LSM8: variants seen among roughly 807,000 people sequenced by gnomAD.
The protein encoded by LSM8 is LSM8 homolog, U6 small nuclear RNA associated, also known as LSM8 U6 small nuclear RNA associated.
A neutral mutation model predicts 15.0 loss-of-function variants in LSM8; 14 were observed. That is an observed-to-expected ratio of 0.93 (90% CI 0.62 to 1.46). The LOEUF (loss-of-function observed/expected upper bound fraction) is 1.46, where lower values mean the gene tolerates loss of function less well. Among genes scored for constraint, LSM8 ranks in the 40% most tolerant of loss-of-function variants. The probability of loss-of-function intolerance (pLI) is 0.00; values close to 1 mark genes in which losing one functional copy is unlikely to be tolerated. For synonymous variants in LSM8, 50 were observed against 42.1 expected (o/e 1.19, Z -0.73); for missense variants, 90 against 115.4 (o/e 0.78, Z 1.01).
At position 118,201,794 on chromosome 7, in the gene LSM8, T is replaced by A. The variant is rs1192293932; in HGVS notation, c.*9792T>A. ...CATTTGTGGTAACACTTTAACTTTTTCCCTGTAAGGCCATCTTTTGTATGT... is the reference window on the plus strand; with the variant it reads ...CATTTGTGGTAACACTTTAACTTTTACCCTGTAAGGCCATCTTTTGTATGT... On this transcript the variant is annotated 3_prime_UTR_variant, in exon 4 of 4. Transcript: ENST00000249299. Among the ~76,000 whole-genome samples the A allele has an allele frequency of 6.6e-6, 1 of 152,120 alleles. No individual in the cohort carries two copies. Among genetic ancestry groups the A allele is most frequent in the Non-Finnish European group, 1.5e-5 (1 of 67,992 alleles).
In LSM8 at chr7:118,199,052, C is replaced by T. The variant is rs114905419; in HGVS notation, c.*7050C>T. On this transcript the variant is annotated 3_prime_UTR_variant, in exon 4 of 4. Coordinates refer to ENST00000249299, the MANE Select transcript of LSM8 (RefSeq NM_016200.5). ...GCTGAACTAGGTGCTGTCTGTGCAG[C>T]TCCACTGGGAGAGGACATCTTGAAG... Among the ~76,000 whole-genome samples the T allele has an allele frequency of 5.7e-3, 874 of 152,316 alleles. 10 individuals carry two copies. The highest frequency in any genetic ancestry group is 0.02 in the African/African-American group (831 of 41,578).
At position 118,197,088 on chromosome 7, in the gene LSM8, A is replaced by G. The variant is rs1385604070; in HGVS notation, c.*5086A>G. Among the ~76,000 whole-genome samples the G allele has an allele frequency of 6.6e-6, 1 of 152,028 alleles. No homozygotes were observed. Among genetic ancestry groups the G allele is most frequent in the Admixed American group, 6.6e-5 (1 of 15,250 alleles). On this transcript the variant is annotated 3_prime_UTR_variant, in exon 4 of 4. Transcript: ENST00000249299. ...AATGGCACAGATCAAGCATTGCTACAACTGGTATCAAATTCCCATCAATGT... is the reference window on the plus strand; with the variant it reads ...AATGGCACAGATCAAGCATTGCTACGACTGGTATCAAATTCCCATCAATGT...
rs1809040083 is a variant in LSM8 at position 118,194,342 on chromosome 7, G to T, written c.*2340G>T. On this transcript the variant is annotated 3_prime_UTR_variant, in exon 4 of 4. Transcript: ENST00000249299. Reference sequence around the variant, plus strand: ...ATTTTCATTAAAGTTATTTGGAAAGGGCAATTAACTGCAAAAGGGACTTTT... The same window carrying T: ...ATTTTCATTAAAGTTATTTGGAAAGTGCAATTAACTGCAAAAGGGACTTTT... 7.3e-6 allele frequency among the ~76,000 whole-genome samples: 1 copy of T among 137,784 alleles called. No homozygotes were observed. 90.4% of individuals were successfully genotyped at this position (137,784 alleles called of 152,430 possible).
rs536524749 is a variant in LSM8 at position 118,184,508 on chromosome 7, T to G, written c.31+254T>G. ...GTGATTATTCCGAACTTTTCTGTCTTAAAAAAAATGTACGCTCTTGATTCT... is the reference window on the plus strand; with the variant it reads ...GTGATTATTCCGAACTTTTCTGTCTGAAAAAAAATGTACGCTCTTGATTCT... On this transcript the variant is annotated intron_variant, in intron 1 of 3. Transcript: ENST00000249299. 1.0e-5 allele frequency: 4 copies of G among 398,990 alleles called. No individual in the cohort carries two copies. In the South Asian group the frequency reaches 2.4e-4, roughly 24 times the overall value. The allele number at this position is 398,990 out of a possible 1,614,324, so 24.7% of individuals were successfully genotyped here.
Position 118,203,422 on chromosome 7 carries a change from C to G in LSM8, c.*11420C>G, listed in dbSNP as rs184544432. The stretch of plus-strand genomic sequence containing the variant: ...CAATATTAATAGAGCTGTGATTATT[C>G]AAGCTGTAGACTTAAATTTTTTAAA... On this transcript the variant is annotated 3_prime_UTR_variant, in exon 4 of 4. Coordinates refer to ENST00000249299, the MANE Select transcript of LSM8 (RefSeq NM_016200.5). 4.8e-4 allele frequency among the ~76,000 whole-genome samples: 73 copies of G among 151,860 alleles called. No individual in the cohort carries two copies. Among genetic ancestry groups the G allele is most frequent in the East Asian group, 1.9e-3 (10 of 5,184 alleles).
chr7:118,185,402 A>G (rs1380297022), intron 1 of LSM8: 5 of 400,996 alleles, frequency 1.2e-5, no homozygotes, highest in Admixed American at 8.8e-5. Context: ...AGTAGCTGGG[A>G]CTATAGGTCA....
chr7:118,189,099 A>G (rs1808932825), intron 3 of LSM8: 1 of 152,220 alleles, frequency 6.6e-6, no homozygotes, highest in Non-Finnish European at 1.5e-5. Context: ...GTCTCTACTA[A>G]AAATACAAAA....
At position 118,192,177 on chromosome 7, in the gene LSM8, C is replaced by A; in HGVS notation, c.*175C>A. 2.5e-6 allele frequency: 1 copy of A among 400,028 alleles called. No individual in the cohort carries two copies. The highest frequency in any genetic ancestry group is 4.2e-6 in the Non-Finnish European group (1 of 235,334). 24.8% of individuals were successfully genotyped at this position (400,028 alleles called of 1,614,324 possible). ...ATTGAAAAAAAAACCTTTTTTTTTG[C>A]CTAAATATAAGTTTGGTAGCTTGGT... On this transcript the variant is annotated 3_prime_UTR_variant, in exon 4 of 4. Transcript: ENST00000249299.
At chr7:118,188,461 A>G (rs1006313849) in intron 3 of LSM8, 56 bp downstream of exon 3, 1 of 1,517,254 alleles carries the variant, frequency 6.6e-7, no homozygotes, top group African/African-American at 1.4e-5. Context: ...TTTATGGAGA[A>G]GAGGCTTTCC....
intron 2 of LSM8, 117 bp downstream of exon 2, chr7:118,185,811 A>T: frequency 7.0e-6 from 6 of 853,326 alleles, no homozygotes; most frequent in Non-Finnish European, 1.1e-5. Flanking sequence ...GTGCAATTTT[A>T]TTATAATTCA....
chr7:118,184,440 G>A, intron 1 of LSM8, 186 bp downstream of exon 1: 1 of 600,442 alleles, frequency 1.7e-6, no homozygotes, highest in Non-Finnish European at 2.6e-6. Context: ...CGGGCCCAGG[G>A]GTCCTTTCCA....
In LSM8 at chr7:118,192,201, G is replaced by T; in HGVS notation, c.*199G>T. The stretch of plus-strand genomic sequence containing the variant: ...GCCTAAATATAAGTTTGGTAGCTTG[G>T]TTTCTTTTTTTTATTAAATAGTGTG... On this transcript the variant is annotated 3_prime_UTR_variant, in exon 4 of 4. Transcript: ENST00000249299. 2.7e-6 allele frequency: 1 copy of T among 367,962 alleles called. No homozygotes were observed. The highest frequency in any genetic ancestry group is 4.3e-5 in the East Asian group (1 of 23,030). 22.8% of individuals were successfully genotyped at this position (367,962 alleles called of 1,614,324 possible).
At chr7:118,184,493 C>T (rs890330069) in intron 1 of LSM8, 1 of 421,764 alleles carries the variant, frequency 2.4e-6, no homozygotes, top group Admixed American at 4.3e-5. Flanking sequence ...GTGATTATTC[C>T]GAACTTTTCT....
At chr7:118,188,432 A>G (rs1458203825) in intron 3 of LSM8, 27 bp downstream of exon 3, 1 of 1,593,076 alleles carries the variant, frequency 6.3e-7, no homozygotes, top group East Asian at 2.2e-5. Flanking sequence ...TGTTAAAATT[A>G]TAAATGATAC....
Position 118,186,225 on chromosome 7 carries a change from C to T in LSM8, c.72+531C>T, listed in dbSNP as rs1019944016. Among the ~76,000 whole-genome samples, 4 of 152,066 alleles carry T rather than the reference C, an allele frequency of 2.6e-5. No individual in the cohort carries two copies. The East Asian group carries it at 5.8e-4, about 22-fold the overall frequency. ...GTTCCTTGAAGTTGTTTCTCCCTTG[C>T]TAATTTATGTCATATAACTAAGATA... is the stretch of plus-strand genomic sequence containing the variant. On this transcript the variant is annotated intron_variant, in intron 2 of 3. Coordinates refer to ENST00000249299, the MANE Select transcript of LSM8 (RefSeq NM_016200.5).
chr7:118,185,566 T>G (rs1808872792), intron 1 of LSM8, 88 bp from the exon 2 acceptor site: 2 of 1,198,172 alleles, frequency 1.7e-6, no homozygotes, highest in East Asian at 2.3e-5. Flanking sequence ...GTTGTCATAT[T>G]TATTCTAAAA....
chr7:118,184,364 CGAG>C, intron 1 of LSM8, 110 bp downstream of exon 1: 1 of 1,290,032 alleles, frequency 7.8e-7, no homozygotes, highest in African/African-American at 1.6e-5. Context: ...TGGGGGCGGG[CGAG>C]GAGATGAGGG....
Position 118,197,264 on chromosome 7 carries a change from T to C in LSM8, c.*5262T>C, listed in dbSNP as rs1051710661. Among the ~76,000 whole-genome samples, 1 of 152,042 alleles carries C rather than the reference T, an allele frequency of 6.6e-6. No homozygotes were observed. Among genetic ancestry groups the C allele is most frequent in the Non-Finnish European group, 1.5e-5 (1 of 68,008 alleles). On this transcript the variant is annotated 3_prime_UTR_variant, in exon 4 of 4. Transcript: ENST00000249299. Reference sequence around the variant, plus strand: ...TAATTAGTATGGTACCAAATTGTTATTACATTTGAAATACGTTAAAAAGAA... The same window carrying C: ...TAATTAGTATGGTACCAAATTGTTACTACATTTGAAATACGTTAAAAAGAA...
At chr7:118,185,772 T>G in intron 2 of LSM8, 78 bp downstream of exon 2, 1 of 1,348,070 alleles carries the variant, frequency 7.4e-7, no homozygotes, top group Non-Finnish European at 1.1e-6. Context: ...CTCTAATCTC[T>G]AATGCCTAGA....
Sources: gnomAD v4.1 joint callset for allele counts (sites outside exome capture counted in the v4.1 genomes callset) on GRCh38, gnomAD v4.1.1 for gene constraint, MANE v1.5 for transcripts, NCBI Gene and HGNC (gene_info 2026-07-23, HGNC 2026-07-21) for gene names.